The following RAD54L2 variants were observed in gnomAD, a reference collection of about 807,000 sequenced individuals.
RAD54L2 encodes the protein RAD54 like 2.
Under a neutral mutation model 138.4 loss-of-function variants are expected in RAD54L2, and 27 were observed. That is an observed-to-expected ratio of 0.20 (90% CI 0.14 to 0.27). RAD54L2 has a LOEUF of 0.27. RAD54L2 is among the 10% of genes least tolerant of loss of function. The pLI is 1.00. For synonymous variants in RAD54L2, 644 were observed against 723.2 expected, an observed-to-expected ratio of 0.89 and a Z score of 1.76; for missense variants, 1,396 against 1,890.2, an observed-to-expected ratio of 0.74 and a Z score of 4.85.
chr3:51,620,921 T>C (rs1356144505), intron 3 of RAD54L2, among the ~76,000 whole-genome samples: 5 of 152,094 alleles, frequency 3.3e-5, no homozygotes, highest in Admixed American at 6.6e-5. Flanking sequence ...TAACTGTTGG[T>C]GGGTTATAGT....
Position 51,662,086 on chromosome 3 carries a change from CACTG to C in RAD54L2, c.3410-335_3410-332del, listed in dbSNP as rs1463690410. ...ATTTTCCTCTTTCCCCCACATTGAT[CACTG>C]ACTGTCTCTTACTGCCAGAAAAAGT... On this transcript the variant is annotated intron_variant, in intron 22 of 22. Coordinates refer to ENST00000684192, the MANE Select transcript of RAD54L2 (RefSeq NM_015106.4). The surrounding 1 kb of genome is among the most constrained non-coding windows in gnomAD (Gnocchi z 4.6). Among the ~76,000 whole-genome samples, 1 of 152,114 alleles carries C rather than the reference CACTG, an allele frequency of 6.6e-6. No individual in the cohort carries two copies. Among genetic ancestry groups the C allele is most frequent in the Non-Finnish European group, 1.5e-5 (1 of 68,038 alleles).
intron 2 of RAD54L2, among the ~76,000 whole-genome samples, chr3:51,582,461 A>G (rs1002475098): frequency 6.6e-6 from 1 of 152,022 alleles, no homozygotes; most frequent in African/African-American, 2.4e-5. Context: ...TGAATTTTTC[A>G]GAGCTCAGCT....
chr3:51,651,495 T>G (rs1419100852), intron 19 of RAD54L2, among the ~76,000 whole-genome samples: 2 of 152,166 alleles, frequency 1.3e-5, no homozygotes, highest in Admixed American at 1.3e-4. Flanking sequence ...AAAGAGAATT[T>G]TAGACCAATA....
chr3:51,613,697 G>A (rs1559637036), intron 3 of RAD54L2, among the ~76,000 whole-genome samples: 2 of 151,570 alleles, frequency 1.3e-5, no homozygotes, highest in African/African-American at 2.4e-5. Context: ...CCTGGGAGGC[G>A]GAGGTTGCAG....
chr3:51,628,627 T>C (rs756960110), intron 4 of RAD54L2, among the ~76,000 whole-genome samples: 3 of 152,020 alleles, frequency 2.0e-5, no homozygotes, highest in Non-Finnish European at 2.9e-5. Flanking sequence ...TGGCTTCAAG[T>C]GAACTGCCCA....
chr3:51,627,730 C>G lies in RAD54L2; in HGVS notation c.317C>G (p.Pro106Arg). Residue 106 changes from proline (P) to arginine (R), a missense_variant, in exon 4 of 23, where the codon CCC becomes CGC. By Grantham distance (103) the Pro-to-Arg change is moderately radical (BLOSUM62 -2). Transcript: ENST00000684192. ...EDPKKKRAQK[P>R]SHMRRNIRKL... ...CCCAAAAAGAAGAGAGCTCAGAAGCCCTCCCACATGAGAAGAAACATACGG... is the reference window on the plus strand; with the variant it reads ...CCCAAAAAGAAGAGAGCTCAGAAGCGCTCCCACATGAGAAGAAACATACGG... 6.2e-7 allele frequency: 1 copy of G among 1,613,856 alleles called. No homozygotes were observed. The highest frequency in any genetic ancestry group is 1.3e-5 in the African/African-American group (1 of 75,022).
intron 3 of RAD54L2, among the ~76,000 whole-genome samples, chr3:51,621,788 G>A (rs1470208964): frequency 1.3e-5 from 2 of 152,226 alleles, no homozygotes; most frequent in African/African-American, 4.8e-5. Flanking sequence ...TCAGGCCAGA[G>A]GACCCAGCAA....
intron 2 of RAD54L2, among the ~76,000 whole-genome samples, chr3:51,550,605 G>A (rs1015257077): frequency 6.6e-6 from 1 of 152,084 alleles, no homozygotes; most frequent in African/African-American, 2.4e-5. Flanking sequence ...GCTGAGTGTG[G>A]TGGTGCGCCC....
intron 2 of RAD54L2, among the ~76,000 whole-genome samples, chr3:51,567,906 C>T (rs1170244554): frequency 2.8e-5 from 4 of 144,136 alleles, no homozygotes; most frequent in South Asian, 2.2e-4. Context: ...GGTGCCACTG[C>T]GCTTGAGCCT....
At chr3:51,563,539 G>A (rs1010733095) in intron 2 of RAD54L2, among the ~76,000 whole-genome samples, 1 of 152,068 alleles carries the variant, frequency 6.6e-6, no homozygotes, top group African/African-American at 2.4e-5. Context: ...TTTATGTCAG[G>A]GTGCATAGAA....
At chr3:51,597,689 A>T (rs1699993260) in intron 3 of RAD54L2, among the ~76,000 whole-genome samples, 1 of 152,028 alleles carries the variant, frequency 6.6e-6, no homozygotes, top group Non-Finnish European at 1.5e-5. Context: ...TTAGCTGGGT[A>T]TGGTGGCCCA....
At chr3:51,593,423 C>T (rs1304352229) in intron 3 of RAD54L2, among the ~76,000 whole-genome samples, 1 of 151,838 alleles carries the variant, frequency 6.6e-6, no homozygotes, top group African/African-American at 2.4e-5. Flanking sequence ...ACCTCTTCCT[C>T]CCAGGTTTAC....
At chr3:51,603,530 C>G (rs943383049) in intron 3 of RAD54L2, among the ~76,000 whole-genome samples, 1 of 151,960 alleles carries the variant, frequency 6.6e-6, no homozygotes, top group Non-Finnish European at 1.5e-5. Flanking sequence ...TTGCTTGAAC[C>G]TGGGAGTGGA....
intron 2 of RAD54L2, among the ~76,000 whole-genome samples, chr3:51,575,391 C>T (rs1189637643): frequency 2.0e-5 from 3 of 152,104 alleles, no homozygotes. Flanking sequence ...TGAAGAAAGT[C>T]ATTGGTAGCT....
rs948928672 is a variant in RAD54L2, at chr3:51,641,678, A to C, written c.2232-71A>C. The C allele has an allele frequency of 1.9e-4, 195 of 1,010,854 alleles. 2 individuals carry two copies. In the South Asian group the frequency reaches 2.9e-3, roughly 15 times the overall value. The allele number at this position is 1,010,854 out of a possible 1,614,324, so 62.6% of individuals were successfully genotyped here. A position where few individuals can be genotyped will look rare whatever the true frequency, so the allele number is the denominator to read the frequency against. On this transcript the variant is annotated intron_variant, in intron 14 of 22. Transcript: ENST00000684192. ...TCCCATTGTCAGAAAGTTGCACAAGAGTATGGACCTATTGGGAACAATGTT... is the reference window on the plus strand; with the variant it reads ...TCCCATTGTCAGAAAGTTGCACAAGCGTATGGACCTATTGGGAACAATGTT...
intron 2 of RAD54L2, among the ~76,000 whole-genome samples, chr3:51,588,721 T>C (rs1332216491): frequency 6.6e-6 from 1 of 152,076 alleles, no homozygotes; most frequent in African/African-American, 2.4e-5. Flanking sequence ...TTACAGCTAA[T>C]AGTAAAGTGA....
At chr3:51,597,953 C>CA (rs758006704) in intron 3 of RAD54L2, among the ~76,000 whole-genome samples, 2,339 of 59,318 alleles carry the variant, frequency 0.039, 26 homozygotes, top group Non-Finnish European at 0.053. Context: ...GACTTTGTCT[C>CA]AAAAAAAAAA....
chr3:51,626,436 C>CTTTTTCTTTTTTTTTT (rs1700687251), intron 3 of RAD54L2, among the ~76,000 whole-genome samples: 1 of 39,392 alleles, frequency 2.5e-5, no homozygotes, highest in Non-Finnish European at 4.1e-5. Flanking sequence ...CCCCAACGAT[C>CTTTTTCTTTTTTTTTT]TTTTTTTTTT....
chr3:51,617,455 G>T (rs1700470564), intron 3 of RAD54L2, among the ~76,000 whole-genome samples: 1 of 152,250 alleles, frequency 6.6e-6, no homozygotes, highest in East Asian at 1.9e-4. Context: ...TTTTTCTAAT[G>T]ATATTGAGCA....
Sources: gnomAD v4.1 joint callset for allele counts (sites outside exome capture counted in the v4.1 genomes callset) on GRCh38, gnomAD v4.1.1 for gene constraint, Gnocchi (gnomAD v3.1) non-coding constraint, MANE v1.5 for transcripts, NCBI Gene and HGNC (gene_info 2026-07-23, HGNC 2026-07-21) for gene names.